The following PRR5 variants were observed in gnomAD, a reference collection of about 807,000 sequenced individuals.
The protein encoded by PRR5 is proline rich 5.
PRR5 carries 25 observed loss-of-function variants against 30.6 expected under a neutral mutation model. The observed-to-expected ratio is 0.82, with a 90% CI of 0.60 to 1.14. The LOEUF is 1.14. Ranked by LOEUF, PRR5 falls within the 50% of genes most tolerant of loss-of-function variation. The probability of loss-of-function intolerance (pLI) is 0.00; values close to 1 mark genes in which losing one functional copy is unlikely to be tolerated. For synonymous variants in PRR5, 286 were observed against 247.1 expected, an observed-to-expected ratio of 1.16 and a Z score of -1.48; for missense variants, 600 against 547.1, an observed-to-expected ratio of 1.10 and a Z score of -0.96.
rs534483674 is a variant in PRR5, at chr22:44,691,950, T to C, written c.-10-10542T>C. 1.3e-4 allele frequency among the ~76,000 whole-genome samples: 20 copies of C among 152,204 alleles called. No homozygotes were observed. In the East Asian group the frequency reaches 3.9e-3, roughly 29 times the overall value. ...GACATCACCTCCACAGTCGGCTCTG[T>C]GGGCTCAATTGATGCCATCAGGAAC... On this transcript the variant is annotated intron_variant, in intron 1 of 8. Transcript: ENST00000006251. The surrounding 1 kb of genome is among the most constrained non-coding windows in gnomAD (Gnocchi z 4.4).
chr22:44,674,780 A>G (rs1248563645), upstream of PRR5, among the ~76,000 whole-genome samples: 29 of 151,098 alleles, frequency 1.9e-4, no homozygotes, highest in Admixed American at 1.9e-3. Context: ...CCTAGTCTCT[A>G]CTAGAAAATA....
rs771755010 is a variant in PRR5 at position 44,737,281 on chromosome 22, C to A, written c.*34C>A. On this transcript the variant is annotated 3_prime_UTR_variant, in exon 8 of 8. Coordinates refer to ENST00000336985, the MANE Select transcript of PRR5 (RefSeq NM_181333.4). Reference sequence around the variant, plus strand: ...AGCTGGCCTTGAGTTTTTACTGACACGTCCCTGTGTGCGGGGGTGTCCATG... The same window carrying A: ...AGCTGGCCTTGAGTTTTTACTGACAAGTCCCTGTGTGCGGGGGTGTCCATG... 2 of 1,568,758 alleles carry A rather than the reference C, an allele frequency of 1.3e-6. No homozygotes were observed.
upstream of PRR5, among the ~76,000 whole-genome samples, chr22:44,697,603 C>T (rs1298990684): frequency 6.6e-6 from 1 of 152,226 alleles, no homozygotes; most frequent in Non-Finnish European, 1.5e-5. Context: ...GGCGGACGTG[C>T]CCCTCCAGAG....
chr22:44,685,463 C>CT (rs1924658809), intron 1 of PRR5, among the ~76,000 whole-genome samples: 1 of 152,214 alleles, frequency 6.6e-6, no homozygotes, highest in South Asian at 2.1e-4. Context: ...TGTGGATGCT[C>CT]CATAGAGAAG....
At chr22:44,733,130 CTG>C (rs1922535859) in intron 6 of PRR5, among the ~76,000 whole-genome samples, 1 of 152,268 alleles carries the variant, frequency 6.6e-6, no homozygotes, top group Non-Finnish European at 1.5e-5. Flanking sequence ...GGAAGACACT[CTG>C]AGAGCTGTTA....
intron 1 of PRR5, among the ~76,000 whole-genome samples, chr22:44,710,221 A>G (rs982287879): frequency 6.6e-6 from 1 of 151,998 alleles, no homozygotes; most frequent in Non-Finnish European, 1.5e-5. Context: ...GTGGCAGCAG[A>G]TCTCAGCACT....
At chr22:44,716,006 C>G (rs193249644) in intron 2 of PRR5, among the ~76,000 whole-genome samples, 1 of 152,202 alleles carries the variant, frequency 6.6e-6, no homozygotes, top group African/African-American at 2.4e-5. Flanking sequence ...AATCCAGCAG[C>G]AGGCACAGTC....
chr22:44,735,197 G>A, intron 7 of PRR5, 35 bp downstream of exon 7: 1 of 1,591,394 alleles, frequency 6.3e-7, no homozygotes, highest in Non-Finnish European at 8.6e-7. Context: ...CTGGGGCAGG[G>A]GTGACCACGG....
At chr22:44,735,307 C>T (rs918363990) in intron 7 of PRR5, 145 bp downstream of exon 7, 11 of 1,250,732 alleles carry the variant, frequency 8.8e-6, no homozygotes, top group Middle Eastern at 5.5e-4. Context: ...CCCCAGCCTG[C>T]CATATGCTGG....
intron 2 of PRR5, among the ~76,000 whole-genome samples, chr22:44,716,948 G>A (rs961501568): frequency 3.3e-5 from 5 of 152,030 alleles, no homozygotes; most frequent in Admixed American, 1.3e-4. Context: ...TGTAGTACCA[G>A]CTACTCAGGA....
intron 1 of PRR5, among the ~76,000 whole-genome samples, chr22:44,708,714 C>T (rs921463857): frequency 3.9e-5 from 6 of 152,136 alleles, no homozygotes; most frequent in African/African-American, 1.4e-4. Flanking sequence ...TGCCTGTAAT[C>T]CCAGCACTTT....
chr22:44,726,722 G>C, intron 4 of PRR5, 88 bp downstream of exon 4: 1 of 1,593,118 alleles, frequency 6.3e-7, no homozygotes, highest in Non-Finnish European at 8.6e-7. Context: ...GGGGGCCTCT[G>C]GGTGCAAGGT....
At chr22:44,692,294 G>T (rs1448791147) in intron 1 of PRR5, among the ~76,000 whole-genome samples, 1 of 120,308 alleles carries the variant, frequency 8.3e-6, no homozygotes, top group Admixed American at 8.4e-5. Context: ...TCCACCAGGG[G>T]CTCCCCCTCT....
chr22:44,673,534 A>G (rs1293196429), upstream of PRR5, among the ~76,000 whole-genome samples: 2 of 152,174 alleles, frequency 1.3e-5, no homozygotes, highest in East Asian at 1.9e-4. Flanking sequence ...ATCTTGCCCA[A>G]GGTCACCCAC....
At chr22:44,718,192 C>CTCT (rs1555901074) in intron 2 of PRR5, among the ~76,000 whole-genome samples, 5 of 94,578 alleles carry the variant, frequency 5.3e-5, no homozygotes, top group African/African-American at 2.1e-4. Context: ...TTTCATCTCT[C>CTCT]TTTTTTTTTT....
chr22:44,685,850 T>C (rs1452975909), intron 1 of PRR5, among the ~76,000 whole-genome samples: 3 of 152,234 alleles, frequency 2.0e-5, no homozygotes, highest in Non-Finnish European at 2.9e-5. Flanking sequence ...CTAACCCAGA[T>C]AGTGCCCAGA....
chr22:44,684,238 G>C (rs1924546197), intron 1 of PRR5, among the ~76,000 whole-genome samples: 2 of 152,228 alleles, frequency 1.3e-5, no homozygotes, highest in Non-Finnish European at 2.9e-5. Context: ...AGCCTCGAGA[G>C]TGGTAGAAAA....
intron 4 of PRR5, 128 bp from the exon 5 acceptor site, chr22:44,731,601 TG>T: frequency 1.2e-6 from 1 of 836,102 alleles, no homozygotes; most frequent in South Asian, 1.4e-5. Flanking sequence ...ACATCGACCT[TG>T]GGCAGGTGCT....
At chr22:44,727,802 T>C (rs1375248785) in intron 4 of PRR5, among the ~76,000 whole-genome samples, 1 of 152,138 alleles carries the variant, frequency 6.6e-6, no homozygotes, top group Admixed American at 6.5e-5. Flanking sequence ...CTTCCTCACG[T>C]CCACTGAACA....
Sources: allele counts gnomAD v4.1 joint callset (sites outside exome capture counted in the v4.1 genomes callset), GRCh38; gene constraint gnomAD v4.1.1; non-coding constraint Gnocchi (gnomAD v3.1); transcripts MANE v1.5; gene names NCBI Gene and HGNC (gene_info 2026-07-23, HGNC 2026-07-21).